Variants in NCAPD2 observed in about 807,000 individuals in gnomAD.
NCAPD2 encodes the protein condensin complex subunit 1.
In NCAPD2, 100 loss-of-function variants were observed where a neutral mutation model predicts 164.5. The ratio of observed to expected loss-of-function variants is 0.61; its 90% CI spans 0.52 to 0.72. NCAPD2 has a LOEUF of 0.72. Ranked by LOEUF, NCAPD2 falls within the 30% of genes least tolerant of loss-of-function variation. NCAPD2 has a pLI of 0.00. For missense variants in NCAPD2, 1,560 were observed against 1,749.2 expected (o/e 0.89, Z 1.93); for synonymous variants, 585 against 642.6 (o/e 0.91, Z 1.36).
rs754267427 is a variant in NCAPD2 at position 6,526,019 on chromosome 12, A to G, written c.2349-49A>G. 21 of 1,602,372 alleles carry G rather than the reference A, an allele frequency of 1.3e-5. No homozygotes were observed. In the South Asian group the frequency reaches 2.1e-4, roughly 16 times the overall value. ...ACCCCTATTGGCCCTTTCTCCCCCG[A>G]TGAGTCCAATCCATGACTGCCTTTA... is the stretch of plus-strand genomic sequence containing the variant. On this transcript the variant is annotated intron_variant, in intron 18 of 31. Coordinates refer to ENST00000315579, the MANE Select transcript of NCAPD2 (RefSeq NM_014865.4).
At chr12:6,509,688 A>T in intron 2 of NCAPD2, 29 bp from the exon 3 acceptor site, 6 of 1,608,566 alleles carry the variant, frequency 3.7e-6, no homozygotes, top group Non-Finnish European at 5.1e-6. Context: ...TCTTCCCTCC[A>T]AATTGATTTG....
Position 6,531,581 on chromosome 12 carries a change from G to A in NCAPD2, c.*169G>A. The stretch of plus-strand genomic sequence containing the variant: ...AGCACTTTGCGATACCAAGGCGGGT[G>A]GATAACCTGAGGTAGGGAGTTCGAG... On this transcript the variant is annotated 3_prime_UTR_variant, in exon 32 of 32. Coordinates refer to ENST00000315579, the MANE Select transcript of NCAPD2 (RefSeq NM_014865.4). This position sits in a 1 kb window ranked among gnomAD's most constrained non-coding sequence, Gnocchi z 4.1. 2 of 1,395,436 alleles carry A rather than the reference G, an allele frequency of 1.4e-6. No homozygotes were observed. The highest frequency in any genetic ancestry group is 2.1e-5 in the Admixed American group (1 of 47,782). 86.4% of individuals were successfully genotyped at this position (1,395,436 alleles called of 1,614,324 possible).
chr12:6,514,332 A>G lies in NCAPD2; in HGVS notation c.655A>G (p.Thr219Ala), dbSNP rs192594761. Residue 219 changes from threonine to alanine, a missense_variant, in exon 7 of 32, where the codon ACT becomes GCT. Physicochemically the swap from Thr to Ala is moderately conservative, Grantham distance 58. Coordinates refer to ENST00000315579, the MANE Select transcript of NCAPD2 (RefSeq NM_014865.4). ...CATTAATCACCAGAAGAACCGCCCCACTCGGGAAGCCATAACACACCTGCT... is the reference window on the plus strand; with the variant it reads ...CATTAATCACCAGAAGAACCGCCCCGCTCGGGAAGCCATAACACACCTGCT... ...PTINHQKNRP[T>A]REAITHLLGV... The G allele has an allele frequency of 1.9e-5, 31 of 1,614,050 alleles. No individual in the cohort carries two copies. The Admixed American group carries it at 2.7e-4, about 14-fold the overall frequency.
chr12:6,498,651 G>A (rs537279974), intron 2 of NCAPD2, among the ~76,000 whole-genome samples: 22 of 151,284 alleles, frequency 1.5e-4, no homozygotes, highest in Non-Finnish European at 2.7e-4. Context: ...CTCTGTCACC[G>A]GGCTGGAGTG....
chr12:6,497,712 C>T (rs557969749), intron 2 of NCAPD2, among the ~76,000 whole-genome samples: 2 of 151,896 alleles, frequency 1.3e-5, no homozygotes, highest in African/African-American at 4.8e-5. Context: ...CTCCGCCTCC[C>T]GAGTTCAAGT....
chr12:6,496,900 C>T (rs1945989861), intron 2 of NCAPD2, among the ~76,000 whole-genome samples: 1 of 152,220 alleles, frequency 6.6e-6, no homozygotes, highest in Non-Finnish European at 1.5e-5. Flanking sequence ...CCTAGGCCTA[C>T]ACAGGGTCAA....
intron 2 of NCAPD2, 133 bp downstream of exon 2, chr12:6,495,358 C>G (rs1179864525): frequency 1.8e-6 from 2 of 1,128,354 alleles, no homozygotes; most frequent in African/African-American, 3.1e-5. Context: ...TCCTATTTTG[C>G]TGTTTTATCC....
Position 6,529,727 on chromosome 12 carries a change from T to C in NCAPD2, c.3654-48T>C, listed in dbSNP as rs74058622. ...GAGGCTGATGGGGAAGGTTGAGCCTTTACTAGCTGGATCTCCCAGTTCCTC... is the reference window on the plus strand; with the variant it reads ...GAGGCTGATGGGGAAGGTTGAGCCTCTACTAGCTGGATCTCCCAGTTCCTC... On this transcript the variant is annotated intron_variant, in intron 28 of 31. Coordinates refer to ENST00000315579, the MANE Select transcript of NCAPD2 (RefSeq NM_014865.4). 14,997 of 1,602,244 alleles carry C rather than the reference T, an allele frequency of 9.4e-3. 965 individuals are homozygous for C. The African/African-American group carries it at 0.15, about 16-fold the overall frequency.
rs1262935596 is a variant in NCAPD2 at position 6,526,593 on chromosome 12, G to A, written c.2712G>A (p.Lys904=). ...AGGCCCTGGAGAAGCTAGAAGAGAA[G>A]AGAACCAGTCAGGAGGACCCGAGTA... is the stretch of plus-strand genomic sequence containing the variant. ...AKQALEKLEE[K]RTSQEDPKES... The change falls in exon 21 of 32, where the codon AAG becomes AAA. Residue 904 remains lysine, a synonymous_variant. Transcript: ENST00000315579. The A allele has an allele frequency of 1.9e-6, 3 of 1,613,918 alleles. No individual in the cohort carries two copies. The highest frequency in any genetic ancestry group is 2.5e-6 in the Non-Finnish European group (3 of 1,179,924).
chr12:6,513,715 C>CTTTTTTGTTTTTTTTTTTTT (rs1946171982), intron 6 of NCAPD2, among the ~76,000 whole-genome samples: 1 of 74,894 alleles, frequency 1.3e-5, no homozygotes, highest in African/African-American at 5.9e-5. Flanking sequence ...GTGACTTTGT[C>CTTTTTTGTTTTTTTTTTTTT]TTTTTTTTTT....
At chr12:6,508,260 C>CA (rs775358659) in intron 2 of NCAPD2, among the ~76,000 whole-genome samples, 4 of 151,962 alleles carry the variant, frequency 2.6e-5, no homozygotes, top group Non-Finnish European at 5.9e-5. Context: ...CGCCTGAGCC[C>CA]AGGAGGTCAA....
Position 6,525,662 on chromosome 12 carries a change from C to T in NCAPD2, c.2294C>T (p.Ala765Val). Residue 765 changes from alanine (A) to valine (V), a missense_variant, in exon 18 of 32, where the codon GCC becomes GTC. Transcript: ENST00000315579. ...LLWERATEKV[A>V]CCPLERCSSV... Reference sequence around the variant, plus strand: ...TGGGAGCGGGCCACCGAGAAGGTCGCCTGCTGTCCTCTGGAGCGCTGTTCC... The same window carrying T: ...TGGGAGCGGGCCACCGAGAAGGTCGTCTGCTGTCCTCTGGAGCGCTGTTCC... The T allele has an allele frequency of 1.2e-6, 2 of 1,613,712 alleles. No individual in the cohort carries two copies. The highest frequency in any genetic ancestry group is 2.2e-5 in the South Asian group (2 of 91,068).
At chr12:6,506,118 T>C (rs1222782702) in intron 2 of NCAPD2, among the ~76,000 whole-genome samples, 1 of 151,878 alleles carries the variant, frequency 6.6e-6, no homozygotes, top group African/African-American at 2.4e-5. Context: ...CCCACTGTGC[T>C]CAGCTAATTT....
rs1250773580 is a variant in NCAPD2 at position 6,504,811 on chromosome 12, T to G, written c.128-4906T>G. On this transcript the variant is annotated intron_variant, in intron 2 of 31. Coordinates refer to ENST00000315579, the MANE Select transcript of NCAPD2 (RefSeq NM_014865.4). ...CATGTTCAGTATTGTGCTGTATTTA[T>G]CGACACCATAAGTTTACATGATGAA... is the stretch of plus-strand genomic sequence containing the variant. Among the ~76,000 whole-genome samples the G allele has an allele frequency of 2.0e-5, 3 of 152,210 alleles. No individual in the cohort carries two copies. The East Asian group carries it at 5.8e-4, about 29-fold the overall frequency.
At chr12:6,500,883 GTTAAGT>G (rs951521802) in intron 2 of NCAPD2, among the ~76,000 whole-genome samples, 49 of 152,228 alleles carry the variant, frequency 3.2e-4, no homozygotes, top group African/African-American at 1.0e-3. Flanking sequence ...AGGGATACTA[GTTAAGT>G]GGCTAATACA....
At chr12:6,510,565 G>A in intron 4 of NCAPD2, 64 bp from the exon 5 acceptor site, 1 of 1,558,342 alleles carries the variant, frequency 6.4e-7, no homozygotes, top group Non-Finnish European at 8.8e-7. Flanking sequence ...AGTGCTGGGT[G>A]TTTTGAAGTT....
intron 2 of NCAPD2, among the ~76,000 whole-genome samples, chr12:6,509,406 C>T (rs1412057495): frequency 1.3e-5 from 2 of 152,156 alleles, no homozygotes; most frequent in African/African-American, 2.4e-5. Flanking sequence ...GGATTACAGG[C>T]GCCTGCTACC....
chr12:6,505,038 A>G (rs1946086415), intron 2 of NCAPD2, among the ~76,000 whole-genome samples: 1 of 152,198 alleles, frequency 6.6e-6, no homozygotes, highest in South Asian at 2.1e-4. Context: ...ATACCTGAGG[A>G]ACCACAGGAG....
rs1413235924 is a variant in NCAPD2, at chr12:6,516,848, T to G, written c.1008T>G (p.Ala336=). ...LDGENYMMRN[A]VLAAMAEMVL... is the part of the protein sequence containing the mutation. ...CTTAGAATTACATGATGCGTAATGC[T>G]GTGCTGGCAGCCATGGCGGAGATGG... Residue 336 remains alanine (A), a synonymous_variant, in exon 10 of 32, where the codon GCT becomes GCG. Coordinates refer to ENST00000315579, the MANE Select transcript of NCAPD2 (RefSeq NM_014865.4). 6.2e-7 allele frequency: 1 copy of G among 1,614,212 alleles called. No homozygotes were observed. Among genetic ancestry groups the G allele is most frequent in the African/African-American group, 1.3e-5 (1 of 75,052 alleles).
Sources: gnomAD v4.1 joint callset for allele counts (sites outside exome capture counted in the v4.1 genomes callset) on GRCh38, gnomAD v4.1.1 for gene constraint, Gnocchi (gnomAD v3.1) non-coding constraint, MANE v1.5 for transcripts, NCBI Gene and HGNC (gene_info 2026-07-23, HGNC 2026-07-21) for gene names.